The following MYO9B variants were observed in gnomAD, a reference collection of about 807,000 sequenced individuals.
MYO9B encodes myosin IXB.
Under a neutral mutation model 229.5 loss-of-function variants are expected in MYO9B, and 71 were observed. The observed-to-expected ratio is 0.31, with a 90% CI of 0.26 to 0.38. The LOEUF (loss-of-function observed/expected upper bound fraction) is 0.38. Ranked by LOEUF, MYO9B falls within the 10% of genes least tolerant of loss-of-function variation. The pLI is 1.00. For missense variants in MYO9B, 2,255 were observed against 2,920.5 expected (o/e 0.77, Z 5.25); for synonymous variants, 1,185 against 1,235.8 (o/e 0.96, Z 0.86).
intron 2 of MYO9B, among the ~76,000 whole-genome samples, chr19:17,114,671 G>A (rs1474830001): frequency 6.6e-6 from 1 of 152,104 alleles, no homozygotes; most frequent in Non-Finnish European, 1.5e-5. Flanking sequence ...AGGTTTGCCG[G>A]TTTTCTGATC....
intron 2 of MYO9B, among the ~76,000 whole-genome samples, chr19:17,128,383 C>T (rs2145160231): frequency 6.6e-6 from 1 of 152,228 alleles, no homozygotes; most frequent in South Asian, 2.1e-4. Context: ...AAAGCAAGAC[C>T]TTGTCTCACT....
Position 17,105,319 on chromosome 19 carries a change from C to CAAAA in MYO9B, c.840+2785_840+2788dup, listed in dbSNP as rs36000160. 8.4e-5 allele frequency among the ~76,000 whole-genome samples: 6 copies of CAAAA among 71,654 alleles called. 1 individual carries two copies. Among genetic ancestry groups the CAAAA allele is most frequent in the African/African-American group, 2.3e-4 (4 of 17,124 alleles). The allele number at this position is 71,654 out of a possible 152,430, so 47.0% of individuals were successfully genotyped here. ...CAACATAACAAGACCCTGTCTCTAC[C>CAAAA]AAAAAAAAAAAAAAAAAAAAAAAAA... On this transcript the variant is annotated intron_variant, in intron 2 of 39. Transcript: ENST00000682292.
chr19:17,207,197 C>T lies in MYO9B; in HGVS notation c.5577C>T (p.Asp1859=). The change falls in exon 35 of 40, where the codon GAC becomes GAT. Residue 1859 remains aspartate (D), a synonymous_variant. Transcript: ENST00000682292. The stretch of plus-strand genomic sequence containing the variant: ...CACCCTGCCTCCTGCGCTGCCCTGA[C>T]AACTCGGACCCGCTGACCAGCATGA... ...IFAPCLLRCP[D]NSDPLTSMKD... The T allele has an allele frequency of 1.2e-6, 2 of 1,602,904 alleles. No individual in the cohort carries two copies. The highest frequency in any genetic ancestry group is 1.7e-6 in the Non-Finnish European group (2 of 1,175,784).
At chr19:17,115,434 C>T (rs1394585539) in intron 2 of MYO9B, among the ~76,000 whole-genome samples, 3 of 151,282 alleles carry the variant, frequency 2.0e-5, no homozygotes, top group Non-Finnish European at 2.9e-5. Flanking sequence ...GTAGAATGTT[C>T]CAGAACCCCA....
Position 17,206,777 on chromosome 19 carries a change from C to T in MYO9B, c.5485C>T (p.Leu1829Phe), listed in dbSNP as rs1220777989. ...HNSLERLIFH[L>F]VKVALLEDVN... ...CTCCCTGGAGAGACTCATCTTCCAC[C>T]TTGTCAAGCAAGTGCCTCCCCACCT... Residue 1829 changes from leucine to phenylalanine, a missense_variant, in exon 34 of 40, where the codon CTT becomes TTT. Around this residue, in one of 7 missense-constraint regions of MYO9B, gnomAD observed 416 missense variants for 605.5 expected, o/e 0.69. Transcript: ENST00000682292. 6.3e-7 allele frequency: 1 copy of T among 1,583,368 alleles called. No homozygotes were observed. Among genetic ancestry groups the T allele is most frequent in the Non-Finnish European group, 8.6e-7 (1 of 1,165,072 alleles).
intron 2 of MYO9B, among the ~76,000 whole-genome samples, chr19:17,119,381 C>G (rs1228701063): frequency 2.6e-5 from 4 of 152,176 alleles, no homozygotes; most frequent in Admixed American, 6.5e-5. Context: ...CCCTGTGTTT[C>G]TTACAGCCGG....
rs183604490 is a variant in MYO9B, at chr19:17,213,126, G to A, written c.*816G>A. On this transcript the variant is annotated 3_prime_UTR_variant, in exon 40 of 40. Transcript: ENST00000682292. ...CTCACGGGTCAGGAGGGCAACGCCT[G>A]AAGTCAGACCTCCCTATAGGTCAAC... 8 of 152,306 alleles carry A rather than the reference G, an allele frequency of 5.3e-5. No individual in the cohort carries two copies. Among genetic ancestry groups the A allele is most frequent in the African/African-American group, 1.9e-4 (8 of 41,482 alleles). The allele number at this position is 152,306 out of a possible 1,614,324, so 9.4% of individuals were successfully genotyped here. A position where few individuals can be genotyped will look rare whatever the true frequency, so the allele number is the denominator to read the frequency against.
intron 2 of MYO9B, among the ~76,000 whole-genome samples, chr19:17,135,921 C>T (rs1428222111): frequency 6.6e-6 from 1 of 152,090 alleles, no homozygotes; most frequent in Non-Finnish European, 1.5e-5. Context: ...ACCTCTGCCA[C>T]AGACCAGGCT....
intron 1 of MYO9B, among the ~76,000 whole-genome samples, chr19:17,093,351 A>C (rs1480672437): frequency 6.6e-6 from 1 of 151,842 alleles, no homozygotes; most frequent in Non-Finnish European, 1.5e-5. Context: ...AAAAAGAAAA[A>C]GACATATATC....
chr19:17,159,284 G>T, intron 7 of MYO9B, 111 bp from the exon 8 acceptor site: 1 of 931,224 alleles, frequency 1.1e-6, no homozygotes, highest in South Asian at 1.5e-5. Context: ...GCTGCTGGGG[G>T]TCCGTCTCCC....
At chr19:17,105,262 A>T (rs1352501499) in intron 2 of MYO9B, among the ~76,000 whole-genome samples, 1 of 145,468 alleles carries the variant, frequency 6.9e-6, no homozygotes, top group African/African-American at 2.6e-5. Context: ...CAGGAGGATC[A>T]CTTGAGCCCA....
intron 2 of MYO9B, among the ~76,000 whole-genome samples, chr19:17,143,835 C>A (rs1321919064): frequency 6.6e-6 from 1 of 152,132 alleles, no homozygotes; most frequent in Non-Finnish European, 1.5e-5. Flanking sequence ...GCAGGAGAAT[C>A]GCTTGAACCT....
chr19:17,146,161 AGATGGATG>A (rs56016892), intron 3 of MYO9B, among the ~76,000 whole-genome samples: 3,188 of 100,754 alleles, frequency 0.032, 80 homozygotes, highest in African/African-American at 0.099. Context: ...GTGGGTGGAT[AGATGGATG>A]GATGGATGGA....
chr19:17,139,170 C>T (rs760976217), intron 2 of MYO9B, among the ~76,000 whole-genome samples: 1 of 151,800 alleles, frequency 6.6e-6, no homozygotes, highest in East Asian at 1.9e-4. Flanking sequence ...GAGTGAGACT[C>T]GATCTCAAAA....
rs2072491949 is a variant in MYO9B at position 17,152,690 on chromosome 19, C to T, written c.982C>T (p.Gln328Ter). The change falls in exon 4 of 40, where the codon CAG becomes TAG. Residue 328 changes from glutamine to a stop codon, truncating the protein, a stop_gained. Coordinates refer to ENST00000682292, the MANE Select transcript of MYO9B (RefSeq NM_004145.4). LOFTEE classifies it high-confidence loss of function. ...YLLEKSRLVS[Q>*]EKDERNYHVF... ...GCTTGAAAAGTCTCGCCTGGTGTCT[C>T]AGGAGAAGGATGAGAGGTAGGAGAA... is the stretch of plus-strand genomic sequence containing the variant. 6.2e-7 allele frequency: 1 copy of T among 1,613,066 alleles called. No individual in the cohort carries two copies. The highest frequency in any genetic ancestry group is 8.5e-7 in the Non-Finnish European group (1 of 1,179,502).
At chr19:17,086,310 T>C (rs966682108) in intron 1 of MYO9B, among the ~76,000 whole-genome samples, 1 of 152,210 alleles carries the variant, frequency 6.6e-6, no homozygotes, top group African/African-American at 2.4e-5. Context: ...AGACCCACTC[T>C]GGCCCCGCCT....
chr19:17,168,416 T>C (rs1478556897), intron 11 of MYO9B, among the ~76,000 whole-genome samples: 1 of 152,212 alleles, frequency 6.6e-6, no homozygotes, highest in Non-Finnish European at 1.5e-5. Context: ...TCCTCCCGCC[T>C]TGGCCTCCGA....
chr19:17,172,616 A>G lies in MYO9B; in HGVS notation c.1935+139A>G. 3 of 1,452,866 alleles carry G rather than the reference A, an allele frequency of 2.1e-6. No homozygotes were observed. The highest frequency in any genetic ancestry group is 1.3e-5 in the South Asian group (1 of 78,882). The allele number at this position is 1,452,866 out of a possible 1,614,324, so 90.0% of individuals were successfully genotyped here. On this transcript the variant is annotated intron_variant, in intron 12 of 39. Coordinates refer to ENST00000682292, the MANE Select transcript of MYO9B (RefSeq NM_004145.4). This position sits in a 1 kb window ranked among gnomAD's most constrained non-coding sequence, Gnocchi z 8.2. ...CGCGAATCCCCGGCTCCAATGTCCA[A>G]GGCGCCATAGTTCAAGAACTGCCAT...
At chr19:17,119,869 C>T (rs1016602023) in intron 2 of MYO9B, among the ~76,000 whole-genome samples, 6 of 152,198 alleles carry the variant, frequency 3.9e-5, no homozygotes, top group African/African-American at 7.2e-5. Context: ...AGGATGGTCT[C>T]GATCTCCTAA....
Sources: allele counts gnomAD v4.1 joint callset (sites outside exome capture counted in the v4.1 genomes callset), GRCh38; gene constraint gnomAD v4.1.1; regional missense constraint gnomAD v4.1.1; non-coding constraint Gnocchi (gnomAD v3.1); transcripts MANE v1.5; gene names NCBI Gene and HGNC (gene_info 2026-07-23, HGNC 2026-07-21).